Variants in NR5A2 observed in about 807,000 individuals in gnomAD.
NR5A2 encodes CYP7A promoter-binding factor.
Under a neutral mutation model 62.7 loss-of-function variants are expected in NR5A2, and 26 were observed. The ratio of observed to expected loss-of-function variants is 0.41; its 90% CI spans 0.30 to 0.58. NR5A2 has a LOEUF of 0.58. Among genes scored for constraint, NR5A2 ranks in the 20% least tolerant of loss-of-function variants. The pLI is 0.22. For synonymous variants in NR5A2, 246 were observed against 241.7 expected, an observed-to-expected ratio of 1.02 and a Z score of -0.16; for missense variants, 541 against 669.1, an observed-to-expected ratio of 0.81 and a Z score of 2.11.
chr1:200,094,775 G>T (rs985484943), intron 5 of NR5A2, among the ~76,000 whole-genome samples: 2 of 151,178 alleles, frequency 1.3e-5, no homozygotes, highest in African/African-American at 4.9e-5. Context: ...CTTGTGATCT[G>T]CCCGCCTCGG....
chr1:200,121,095 A>G (rs1666464222), intron 7 of NR5A2, 140 bp downstream of exon 7: 3 of 853,586 alleles, frequency 3.5e-6, no homozygotes, highest in Non-Finnish European at 5.5e-6. Context: ...TTCAAACGTG[A>G]ATATATTTTC....
At chr1:200,091,021 A>G (rs970292770) in intron 5 of NR5A2, among the ~76,000 whole-genome samples, 3 of 152,156 alleles carry the variant, frequency 2.0e-5, no homozygotes, top group South Asian at 2.1e-4. Context: ...TCTGAGATCA[A>G]TATCCCTCTG....
intron 5 of NR5A2, among the ~76,000 whole-genome samples, chr1:200,097,062 ATTC>A (rs1232390343): frequency 1.3e-5 from 2 of 152,214 alleles, no homozygotes; most frequent in Non-Finnish European, 2.9e-5. Flanking sequence ...TAGAAACACA[ATTC>A]TTCTTTCTCT....
rs1239027148 is a variant in NR5A2 at position 200,177,070 on chromosome 1, G to A, written c.*2860G>A. On this transcript the variant is annotated 3_prime_UTR_variant, in exon 8 of 8. Coordinates refer to ENST00000367362, the MANE Select transcript of NR5A2 (RefSeq NM_205860.3). Reference sequence around the variant, plus strand: ...GTTTCTCTAATGTTGATTGTTAGCCGATTTGTAACCTGGCATTTACTTAGC... The same window carrying A: ...GTTTCTCTAATGTTGATTGTTAGCCAATTTGTAACCTGGCATTTACTTAGC... The A allele has an allele frequency of 1.3e-5, 2 of 152,260 alleles. No individual in the cohort carries two copies. Among genetic ancestry groups the A allele is most frequent in the African/African-American group, 2.4e-5 (1 of 41,440 alleles). The allele number at this position is 152,260 out of a possible 1,614,324, so 9.4% of individuals were successfully genotyped here.
At chr1:200,117,648 A>G (rs1666286416) in intron 6 of NR5A2, among the ~76,000 whole-genome samples, 1 of 152,202 alleles carries the variant, frequency 6.6e-6, no homozygotes, top group African/African-American at 2.4e-5. Flanking sequence ...GAAAATTAAT[A>G]CCAACATATT....
At chr1:200,076,331 G>A (rs1266251704) in intron 5 of NR5A2, among the ~76,000 whole-genome samples, 1 of 152,158 alleles carries the variant, frequency 6.6e-6, no homozygotes, top group African/African-American at 2.4e-5. Flanking sequence ...ATCAGTGTGG[G>A]AGTCGGAAAC....
chr1:200,128,697 G>A (rs1298824360), intron 7 of NR5A2, among the ~76,000 whole-genome samples: 1 of 152,122 alleles, frequency 6.6e-6, no homozygotes, highest in Non-Finnish European at 1.5e-5. Context: ...GCAGGGCAGG[G>A]TGGAGTGGGG....
At chr1:200,056,082 C>G (rs1213108478) in intron 5 of NR5A2, among the ~76,000 whole-genome samples, 1 of 152,144 alleles carries the variant, frequency 6.6e-6, no homozygotes, top group Non-Finnish European at 1.5e-5. Context: ...TTTGGTGTGG[C>G]TGATAGTGTT....
At position 200,082,499 on chromosome 1, in the gene NR5A2, T is replaced by G. The variant is rs184059731; in HGVS notation, c.1111-28703T>G. Among the ~76,000 whole-genome samples, 2 of 152,314 alleles carry G rather than the reference T, an allele frequency of 1.3e-5. 1 individual carries two copies. The highest frequency in any genetic ancestry group is 1.3e-4 in the Admixed American group (2 of 15,294). On this transcript the variant is annotated intron_variant, in intron 5 of 7. Transcript: ENST00000367362. Reference sequence around the variant, plus strand: ...TTCATTTTAAGAATATAAAACAAATTACAAACATATGAGTCAAACCGAAAA... The same window carrying G: ...TTCATTTTAAGAATATAAAACAAATGACAAACATATGAGTCAAACCGAAAA...
intron 7 of NR5A2, among the ~76,000 whole-genome samples, chr1:200,131,910 A>G (rs989472586): frequency 6.6e-6 from 1 of 152,238 alleles, no homozygotes; most frequent in Non-Finnish European, 1.5e-5. Flanking sequence ...AACAAATAGA[A>G]GTACAAGGCC....
intron 7 of NR5A2, among the ~76,000 whole-genome samples, chr1:200,149,094 G>C (rs948851189): frequency 6.6e-6 from 1 of 151,968 alleles, no homozygotes; most frequent in Non-Finnish European, 1.5e-5. Context: ...TGTATTTTTA[G>C]TAGAGACAGG....
intron 5 of NR5A2, among the ~76,000 whole-genome samples, chr1:200,062,360 G>T (rs530332046): frequency 2.6e-5 from 4 of 151,690 alleles, no homozygotes; most frequent in Admixed American, 1.3e-4. Context: ...GTTTCATTTC[G>T]ATCACTGTAT....
At chr1:200,164,873 T>A (rs931509557) in intron 7 of NR5A2, among the ~76,000 whole-genome samples, 1 of 139,746 alleles carries the variant, frequency 7.2e-6, no homozygotes, top group African/African-American at 2.7e-5. Flanking sequence ...AGCAGTTTTT[T>A]TTTTTTTTTT....
intron 7 of NR5A2, among the ~76,000 whole-genome samples, chr1:200,158,192 C>T (rs779419640): frequency 1.3e-5 from 2 of 152,152 alleles, no homozygotes; most frequent in Non-Finnish European, 2.9e-5. Context: ...ATTAAAGTAA[C>T]ATGTTAACAC....
chr1:200,043,066 G>C, intron 2 of NR5A2: 1 of 934,388 alleles, frequency 1.1e-6, no homozygotes, highest in Non-Finnish European at 1.3e-6. Flanking sequence ...TACTCTTCTG[G>C]TATTTTTCCC....
chr1:200,167,536 A>T (rs1653961406), intron 7 of NR5A2, among the ~76,000 whole-genome samples: 1 of 152,132 alleles, frequency 6.6e-6, no homozygotes, highest in African/African-American at 2.4e-5. Flanking sequence ...TCCTGCACAC[A>T]CTAGTCCCTT....
At chr1:200,113,044 T>C (rs181351319) in intron 6 of NR5A2, among the ~76,000 whole-genome samples, 1 of 152,364 alleles carries the variant, frequency 6.6e-6, no homozygotes, top group East Asian at 1.9e-4. Flanking sequence ...TAGAGAAAAG[T>C]GCATTTCTTG....
At chr1:200,144,233 T>TCTCTCTCACACACACACACA (rs1446217306) in intron 7 of NR5A2, among the ~76,000 whole-genome samples, 1 of 80,026 alleles carries the variant, frequency 1.2e-5, no homozygotes, top group African/African-American at 4.2e-5. Flanking sequence ...TCTCTCTCTC[T>TCTCTCTCACACACACACACA]CACACACACA....
At chr1:200,083,610 T>A (rs1664390621) in intron 5 of NR5A2, among the ~76,000 whole-genome samples, 1 of 152,072 alleles carries the variant, frequency 6.6e-6, no homozygotes, top group Non-Finnish European at 1.5e-5. Flanking sequence ...TGCTTTACAT[T>A]TACACAGTTG....
Sources: allele counts gnomAD v4.1 joint callset (sites outside exome capture counted in the v4.1 genomes callset), GRCh38; gene constraint gnomAD v4.1.1; transcripts MANE v1.5; gene names NCBI Gene and HGNC (gene_info 2026-07-23, HGNC 2026-07-21).